ZNF175: variants seen among roughly 807,000 people sequenced by gnomAD.
ZNF175 encodes the protein zinc finger protein OTK18.
Under a neutral mutation model 14.0 loss-of-function variants are expected in ZNF175, and 8 were observed. The ratio of observed to expected loss-of-function variants is 0.57; its 90% confidence interval spans 0.34 to 1.03. The LOEUF (loss-of-function observed/expected upper bound fraction) is 1.03, where lower values mean the gene tolerates loss of function less well. Ranked by LOEUF, ZNF175 falls within the 50% of genes least tolerant of loss-of-function variation. ZNF175 has a pLI of 0.03. For missense variants in ZNF175, 764 were observed against 849.5 expected, an observed-to-expected ratio of 0.90 and a Z score of 1.25; for synonymous variants, 255 against 296.8, an observed-to-expected ratio of 0.86 and a Z score of 1.45.
At chr19:51,581,588 C>T (rs967469290) in intron 3 of ZNF175, 71 bp downstream of exon 3, 17 of 1,561,888 alleles carry the variant, frequency 1.1e-5, no homozygotes, top group South Asian at 8.5e-5. Flanking sequence ...CATTGCAGAA[C>T]GCAGTGGGAT....
intron 2 of ZNF175, among the ~76,000 whole-genome samples, chr19:51,578,568 G>A (rs1356257907): frequency 6.6e-6 from 1 of 152,200 alleles, no homozygotes; most frequent in Non-Finnish European, 1.5e-5. Flanking sequence ...AGGAGTTTGA[G>A]ACGATCCTGA....
At position 51,592,414 on chromosome 19, in the gene ZNF175, C is replaced by CG; in HGVS notation, c.*3947_*3948insG. The CG allele has an allele frequency of 2.3e-5, 11 of 479,002 alleles. No homozygotes were observed. The highest frequency in any genetic ancestry group is 8.0e-5 in the South Asian group (2 of 24,894). 29.7% of individuals were successfully genotyped at this position (479,002 alleles called of 1,614,324 possible). ...GTAAAGTCAAGCATTAGAATGGTGG[C>CG]TGTCCACCATGAGTACAACACAAAT... On this transcript the variant is annotated 3_prime_UTR_variant, in exon 5 of 5. Coordinates refer to ENST00000262259, the MANE Select transcript of ZNF175 (RefSeq NM_007147.4).
chr19:51,577,858 T>G (rs1278129386), intron 2 of ZNF175, among the ~76,000 whole-genome samples: 1 of 150,426 alleles, frequency 6.6e-6, no homozygotes, highest in Non-Finnish European at 1.5e-5. Flanking sequence ...AGAGATGGGG[T>G]TTCACCGTGT....
intron 4 of ZNF175, 97 bp from the exon 5 acceptor site, chr19:51,586,530 C>A: frequency 8.1e-7 from 1 of 1,236,630 alleles, no homozygotes; most frequent in Non-Finnish European, 1.1e-6. Flanking sequence ...TATTACATGA[C>A]TCAGCAATTT....
intron 4 of ZNF175, among the ~76,000 whole-genome samples, chr19:51,585,109 G>C (rs151190729): frequency 1.3e-5 from 2 of 152,060 alleles, no homozygotes; most frequent in African/African-American, 4.8e-5. Context: ...AACAAAATGT[G>C]GTCTATACAT....
intron 2 of ZNF175, chr19:51,573,777 TGGGGTTTG>T (rs57127021): frequency 0.28 from 98,848 of 356,324 alleles, 15,636 homozygotes; most frequent in East Asian, 0.65. Context: ...GCTTGGTCCA[TGGGGTTTG>T]GCCCGTTTTT....
chr19:51,574,940 A>G (rs900495250), intron 2 of ZNF175, among the ~76,000 whole-genome samples: 22 of 152,124 alleles, frequency 1.4e-4, no homozygotes, highest in African/African-American at 4.6e-4. Flanking sequence ...AATTCATGTC[A>G]GAGTATATCC....
In ZNF175 at chr19:51,591,492, C is replaced by T. The variant is rs964988665; in HGVS notation, c.*3025C>T. Reference sequence around the variant, plus strand: ...ATAAATGTTAGTCCAATGGCCTCATCATGAGATGAGAGGTCAAGAGTTTTG... The same window carrying T: ...ATAAATGTTAGTCCAATGGCCTCATTATGAGATGAGAGGTCAAGAGTTTTG... On this transcript the variant is annotated 3_prime_UTR_variant, in exon 5 of 5. Coordinates refer to ENST00000262259, the MANE Select transcript of ZNF175 (RefSeq NM_007147.4). The T allele has an allele frequency of 1.3e-5, 2 of 152,194 alleles. No individual in the cohort carries two copies. The highest frequency in any genetic ancestry group is 1.3e-4 in the Admixed American group (2 of 15,284). The allele number at this position is 152,194 out of a possible 1,614,324, so 9.4% of individuals were successfully genotyped here. A position where few individuals can be genotyped will look rare whatever the true frequency, so the allele number is the denominator to read the frequency against.
chr19:51,585,142 T>TAA (rs1982125696), intron 4 of ZNF175, among the ~76,000 whole-genome samples: 1 of 152,176 alleles, frequency 6.6e-6, no homozygotes, highest in Non-Finnish European at 1.5e-5. Flanking sequence ...TATTCAGCCT[T>TAA]AAAAAGGAAG....
At position 51,589,911 on chromosome 19, in the gene ZNF175, A is replaced by G. The variant is rs543071841; in HGVS notation, c.*1444A>G. ...CACACACACATACACACATATTACTATGTTCATCATCATATACCTGTGTAA... is the reference window on the plus strand; with the variant it reads ...CACACACACATACACACATATTACTGTGTTCATCATCATATACCTGTGTAA... On this transcript the variant is annotated 3_prime_UTR_variant, in exon 5 of 5. Transcript: ENST00000262259. 7 of 385,026 alleles carry G rather than the reference A, an allele frequency of 1.8e-5. No homozygotes were observed. Among genetic ancestry groups the G allele is most frequent in the African/African-American group, 1.4e-4 (7 of 49,844 alleles). The allele number at this position is 385,026 out of a possible 1,614,324, so 23.9% of individuals were successfully genotyped here.
Position 51,588,434 on chromosome 19 carries a change from C to G in ZNF175, c.2103C>G (p.Cys701Trp). ...TTHTRDKSYK[C>W]SYSVKGFTKQ Reference sequence around the variant, plus strand: ...ATACCAGAGACAAATCTTACAAATGCAGTTATTCTGTGAAAGGCTTTACCA... The same window carrying G: ...ATACCAGAGACAAATCTTACAAATGGAGTTATTCTGTGAAAGGCTTTACCA... The change falls in exon 5 of 5, where the codon TGC becomes TGG. Residue 701 changes from cysteine (C) to tryptophan (W), a missense_variant. Transcript: ENST00000262259. 6.3e-7 allele frequency: 1 copy of G among 1,581,774 alleles called. No individual in the cohort carries two copies. The highest frequency in any genetic ancestry group is 8.6e-7 in the Non-Finnish European group (1 of 1,166,552).
At chr19:51,581,730 A>G (rs981939739) in intron 3 of ZNF175, 57 bp from the exon 4 acceptor site, 3 of 1,588,948 alleles carry the variant, frequency 1.9e-6, no homozygotes, top group African/African-American at 2.7e-5. Flanking sequence ...GCTTCATTGA[A>G]TGGCCTCTAA....
At chr19:51,585,048 C>G (rs571512271) in intron 4 of ZNF175, among the ~76,000 whole-genome samples, 5 of 152,290 alleles carry the variant, frequency 3.3e-5, no homozygotes, top group African/African-American at 1.2e-4. Context: ...CATAGCAGCA[C>G]TATTCACAAT....
chr19:51,581,841 C>T lies in ZNF175; in HGVS notation c.254C>T (p.Pro85Leu), dbSNP rs1412720171. Residue 85 changes from proline (P) to leucine (L), a missense_variant, in exon 4 of 5, where the codon CCG (proline) becomes CTG (leucine). Physicochemically the swap from Pro to Leu is moderately conservative, Grantham distance 98. Coordinates refer to ENST00000262259, the MANE Select transcript of ZNF175 (RefSeq NM_007147.4). ...TTCAGAATGCTAAAAGAAAAGGAGC[C>T]GCGTGTGGAGGAGGCTGAAGTCTCA... ...VIFRMLKEKE[P>L]RVEEAEVSHQ... 3.1e-6 allele frequency: 5 copies of T among 1,613,760 alleles called. No individual in the cohort carries two copies. Among genetic ancestry groups the T allele is most frequent in the South Asian group, 2.2e-5 (2 of 91,058 alleles).
Position 51,573,326 on chromosome 19 carries a change from G to A in ZNF175, c.-4G>A. On this transcript the variant is annotated 5_prime_UTR_variant, in exon 2 of 5. Coordinates refer to ENST00000262259, the MANE Select transcript of ZNF175 (RefSeq NM_007147.4). ...GAGACCGAGAGTAGAAGCCCAGAGT[G>A]GAGATGCCTGCTGATGTGAATTTAT... 2 of 1,613,112 alleles carry A rather than the reference G, an allele frequency of 1.2e-6. No homozygotes were observed. Among genetic ancestry groups the A allele is most frequent in the Middle Eastern group, 1.7e-4 (1 of 6,058 alleles).
Position 51,587,783 on chromosome 19 carries a change from C to T in ZNF175, c.1452C>T (p.Phe484=). ...AGTGCCACAACTGTGGGAAATCCTT[C>T]ATTTCCAAGTCACAGCTTGATATAC... ...PYQCHNCGKS[F]ISKSQLDIHH... The change falls in exon 5 of 5, where the codon TTC becomes TTT. Residue 484 remains phenylalanine (F), a synonymous_variant. Transcript: ENST00000262259. The T allele has an allele frequency of 6.2e-7, 1 of 1,614,156 alleles. No homozygotes were observed. The highest frequency in any genetic ancestry group is 8.5e-7 in the Non-Finnish European group (1 of 1,180,020).
At position 51,592,433 on chromosome 19, in the gene ZNF175, C is replaced by T; in HGVS notation, c.*3966C>T. On this transcript the variant is annotated 3_prime_UTR_variant, in exon 5 of 5. Coordinates refer to ENST00000262259, the MANE Select transcript of ZNF175 (RefSeq NM_007147.4). ...TGGTGGCTGTCCACCATGAGTACAA[C>T]ACAAATGCTCGTTCTTAATGATTCA... The T allele has an allele frequency of 1.9e-6, 1 of 537,568 alleles. No individual in the cohort carries two copies. 33.3% of individuals were successfully genotyped at this position (537,568 alleles called of 1,614,324 possible).
chr19:51,573,488 C>A, intron 2 of ZNF175, 87 bp downstream of exon 2: 1 of 1,302,724 alleles, frequency 7.7e-7, no homozygotes, highest in Non-Finnish European at 1.1e-6. Flanking sequence ...GCTCCTGAGT[C>A]AGTCTTGAGC....
Position 51,591,067 on chromosome 19 carries a change from T to C in ZNF175, c.*2600T>C. 1 of 152,744 alleles carries C rather than the reference T, an allele frequency of 6.5e-6. No individual in the cohort carries two copies. Among genetic ancestry groups the C allele is most frequent in the Non-Finnish European group, 1.5e-5 (1 of 68,362 alleles). 9.5% of individuals were successfully genotyped at this position (152,744 alleles called of 1,614,324 possible). A position where few individuals can be genotyped will look rare whatever the true frequency, so the allele number is the denominator to read the frequency against. On this transcript the variant is annotated 3_prime_UTR_variant, in exon 5 of 5. Transcript: ENST00000262259. ...CACATGTTCACTCCTCACGTGGGCC[T>C]CCCTAACTGTCCCCCTCAGGGCAAG...
Sources: gnomAD v4.1 joint callset for allele counts (sites outside exome capture counted in the v4.1 genomes callset) on GRCh38, gnomAD v4.1.1 for gene constraint, MANE v1.5 for transcripts, NCBI Gene and HGNC (gene_info 2026-07-23, HGNC 2026-07-21) for gene names.